The following TSPAN15 variants were observed in gnomAD, a reference collection of about 807,000 sequenced individuals.
TSPAN15 encodes tetraspanin 15.
TSPAN15 carries 20 observed loss-of-function variants against 34.5 expected under a neutral mutation model. The observed-to-expected ratio is 0.58, with a 90% CI of 0.41 to 0.84. The LOEUF (loss-of-function observed/expected upper bound fraction) is 0.84, where lower values mean the gene tolerates loss of function less well. Ranked by LOEUF, TSPAN15 falls within the 40% of genes least tolerant of loss-of-function variation. The probability of loss-of-function intolerance (pLI) is 0.00; values close to 1 mark genes in which losing one functional copy is unlikely to be tolerated. For synonymous variants in TSPAN15, 155 were observed against 153.9 expected, an observed-to-expected ratio of 1.01 and a Z score of -0.05; for missense variants, 313 against 386.1, an observed-to-expected ratio of 0.81 and a Z score of 1.59.
rs1322419420 is a variant in TSPAN15, at chr10:69,455,635, G to A, written c.96+3945G>A. Among the ~76,000 whole-genome samples, 12 of 64,744 alleles carry A rather than the reference G, an allele frequency of 1.9e-4. 1 individual carries two copies. Among genetic ancestry groups the A allele is most frequent in the South Asian group, 1.5e-3 (3 of 1,956 alleles). The allele number at this position is 64,744 out of a possible 152,430, so 42.5% of individuals were successfully genotyped here. ...CTCTCTCTCTCTCTCTCCCCCCCCC[G>A]TCTCTTTCTTTCTTCCTTTCTTTCT... On this transcript the variant is annotated intron_variant, in intron 1 of 7. Coordinates refer to ENST00000373290, the MANE Select transcript of TSPAN15 (RefSeq NM_012339.5).
At chr10:69,478,490 G>T (rs892652105) in intron 1 of TSPAN15, among the ~76,000 whole-genome samples, 9 of 152,098 alleles carry the variant, frequency 5.9e-5, no homozygotes, top group Non-Finnish European at 1.0e-4. Flanking sequence ...CTGGCAGGGG[G>T]CTCATCCTGA....
chr10:69,522,443 CTT>C, the TSPAN15 span, among the ~76,000 whole-genome samples: 2 of 126,056 alleles, frequency 1.6e-5, no homozygotes. Context: ...AACCAGATTG[CTT>C]TTTTTTTTTA....
chr10:69,524,424 C>T, the TSPAN15 span, among the ~76,000 whole-genome samples: 3 of 147,428 alleles, frequency 2.0e-5, 1 homozygote, highest in Non-Finnish European at 4.5e-5. Context: ...TGAGATTGCA[C>T]CATTGCACTC....
intron 1 of TSPAN15, among the ~76,000 whole-genome samples, chr10:69,454,525 A>T (rs1382496266): frequency 6.6e-6 from 1 of 151,994 alleles, no homozygotes; most frequent in Admixed American, 6.6e-5. Context: ...TAAAAAAAAA[A>T]ATTACTATTG....
At chr10:69,456,699 A>C (rs57805780) in intron 1 of TSPAN15, among the ~76,000 whole-genome samples, 17,541 of 152,204 alleles carry the variant, frequency 0.12, 1,011 homozygotes, top group African/African-American at 0.12. Context: ...TAGGTTGGCA[A>C]GTGCTTGAGG....
At chr10:69,458,492 C>T (rs1421483438) in intron 1 of TSPAN15, among the ~76,000 whole-genome samples, 3 of 152,076 alleles carry the variant, frequency 2.0e-5, no homozygotes, top group South Asian at 2.1e-4. Context: ...TTTGATTTGT[C>T]GAGCAAAGTT....
chr10:69,469,731 A>G (rs937265787), intron 1 of TSPAN15, among the ~76,000 whole-genome samples: 1 of 152,144 alleles, frequency 6.6e-6, no homozygotes, highest in Non-Finnish European at 1.5e-5. Context: ...TTTTGTAGAG[A>G]TGAGATTTTG....
chr10:69,483,903 C>A (rs547086339), intron 2 of TSPAN15, 27 bp downstream of exon 2: 2 of 1,604,106 alleles, frequency 1.2e-6, no homozygotes, highest in African/African-American at 2.7e-5. Context: ...ACCCCTCAGC[C>A]GGGACTCCCC....
intron 5 of TSPAN15, among the ~76,000 whole-genome samples, chr10:69,500,083 A>T (rs1446415876): frequency 6.6e-6 from 1 of 152,144 alleles, no homozygotes; most frequent in Non-Finnish European, 1.5e-5. Context: ...TGCTAGATGC[A>T]GGGATAGAGT....
chr10:69,518,428 T>TC, the TSPAN15 span, among the ~76,000 whole-genome samples: 5 of 152,238 alleles, frequency 3.3e-5, no homozygotes, highest in South Asian at 1.0e-3. Flanking sequence ...ACTCTTGATT[T>TC]TTTTTCTTTT....
chr10:69,542,646 A>C, the TSPAN15 span, among the ~76,000 whole-genome samples: 4 of 152,316 alleles, frequency 2.6e-5, no homozygotes. Flanking sequence ...GAAGGAGAAG[A>C]ATGAGCAAAG....
the TSPAN15 span, among the ~76,000 whole-genome samples, chr10:69,544,132 C>T: frequency 2.6e-5 from 4 of 152,052 alleles, no homozygotes; most frequent in Non-Finnish European, 5.9e-5. Context: ...TTTCTCTGCC[C>T]CATCAGACTA....
At chr10:69,516,462 G>A in the TSPAN15 span, among the ~76,000 whole-genome samples, 3 of 152,180 alleles carry the variant, frequency 2.0e-5, no homozygotes, top group East Asian at 1.9e-4. Flanking sequence ...GGGAGGCCTC[G>A]GTCTTTAGAC....
At chr10:69,494,014 T>C (rs1289834458) in intron 3 of TSPAN15, among the ~76,000 whole-genome samples, 1 of 152,166 alleles carries the variant, frequency 6.6e-6, no homozygotes, top group Non-Finnish European at 1.5e-5. Flanking sequence ...GGAGATAATT[T>C]TGGGAGATGG....
chr10:69,530,387 C>G, the TSPAN15 span, among the ~76,000 whole-genome samples: 1 of 147,898 alleles, frequency 6.8e-6, no homozygotes, highest in African/African-American at 2.5e-5. Context: ...GGTTGAAAAA[C>G]ATTGCTAGCC....
chr10:69,482,673 A>T (rs2052964), intron 1 of TSPAN15, among the ~76,000 whole-genome samples: 63,521 of 151,974 alleles, frequency 0.42, 13,642 homozygotes, highest in Non-Finnish European at 0.45. Context: ...AATGTCTTCA[A>T]GTCTGTCTTT....
At chr10:69,471,872 C>A (rs1841515251) in intron 1 of TSPAN15, among the ~76,000 whole-genome samples, 1 of 152,292 alleles carries the variant, frequency 6.6e-6, no homozygotes, top group Middle Eastern at 3.4e-3. Flanking sequence ...GGATTACAGG[C>A]ATGAACCACT....
the TSPAN15 span, among the ~76,000 whole-genome samples, chr10:69,535,651 C>A: frequency 6.6e-6 from 1 of 152,192 alleles, no homozygotes; most frequent in Non-Finnish European, 1.5e-5. Flanking sequence ...TGTCTAGGGC[C>A]AGCTTTCTGC....
chr10:69,462,588 G>A (rs1331424985), intron 1 of TSPAN15, among the ~76,000 whole-genome samples: 2 of 152,122 alleles, frequency 1.3e-5, no homozygotes, highest in African/African-American at 4.8e-5. Flanking sequence ...GCCCGCCTCG[G>A]CCTCCCAAAG....
Sources: gnomAD v4.1 joint callset for allele counts (sites outside exome capture counted in the v4.1 genomes callset) on GRCh38, gnomAD v4.1.1 for gene constraint, MANE v1.5 for transcripts, NCBI Gene and HGNC (gene_info 2026-07-23, HGNC 2026-07-21) for gene names.